The following EPHA6 variants were observed in gnomAD, a reference collection of about 807,000 sequenced individuals.
EPHA6 encodes ephrin type-A receptor 6.
A neutral mutation model predicts 112.0 loss-of-function variants in EPHA6; 50 were observed. The ratio of observed to expected loss-of-function variants is 0.45; its 90% confidence interval spans 0.36 to 0.56. EPHA6 has a LOEUF of 0.56. Among genes scored for constraint, EPHA6 ranks in the 20% least tolerant of loss-of-function variants. EPHA6 has a pLI of 0.00. For missense variants in EPHA6, 1,280 were observed against 1,417.4 expected (o/e 0.90, Z 1.56); for synonymous variants, 529 against 490.7 (o/e 1.08, Z -1.03).
At chr3:97,061,965 G>T (rs574401796) in intron 3 of EPHA6, among the ~76,000 whole-genome samples, 1 of 152,202 alleles carries the variant, frequency 6.6e-6, no homozygotes, top group Non-Finnish European at 1.5e-5. Flanking sequence ...TATAGTATGA[G>T]TGTGAGAAGA....
At chr3:97,321,819 C>A (rs2082135243) in intron 5 of EPHA6, among the ~76,000 whole-genome samples, 1 of 152,070 alleles carries the variant, frequency 6.6e-6, no homozygotes, top group Non-Finnish European at 1.5e-5. Context: ...AAGCAGCCAA[C>A]AGCTGTTAAA....
intron 14 of EPHA6, among the ~76,000 whole-genome samples, chr3:97,714,297 C>T (rs1435262832): frequency 6.6e-6 from 1 of 152,162 alleles, no homozygotes; most frequent in Non-Finnish European, 1.5e-5. Flanking sequence ...TCATTTAATC[C>T]ACTTAACAAA....
chr3:97,157,635 T>C (rs757448058), intron 3 of EPHA6, among the ~76,000 whole-genome samples: 1 of 152,026 alleles, frequency 6.6e-6, no homozygotes, highest in Non-Finnish European at 1.5e-5. Flanking sequence ...CAGGACAGCC[T>C]ATAGTGTAAA....
chr3:97,624,030 T>C (rs1340375084), intron 13 of EPHA6, among the ~76,000 whole-genome samples: 3 of 151,424 alleles, frequency 2.0e-5, no homozygotes, highest in African/African-American at 4.8e-5. Context: ...TCTGTGTTTC[T>C]GCCAAAAAAA....
chr3:97,504,937 T>C (rs972597725), intron 10 of EPHA6, among the ~76,000 whole-genome samples: 3 of 152,084 alleles, frequency 2.0e-5, no homozygotes, highest in Admixed American at 6.6e-5. Context: ...TCAATCCCAA[T>C]TTTTTTATTA....
At chr3:97,626,240 A>G (rs763886076) in intron 13 of EPHA6, among the ~76,000 whole-genome samples, 11 of 151,726 alleles carry the variant, frequency 7.2e-5, no homozygotes, top group Non-Finnish European at 1.5e-4. Context: ...TGGCCCAGTT[A>G]TATGTGCTAG....
intron 2 of EPHA6, among the ~76,000 whole-genome samples, chr3:96,917,127 C>T (rs916954742): frequency 6.6e-6 from 1 of 151,928 alleles, no homozygotes; most frequent in African/African-American, 2.4e-5. Flanking sequence ...CACAAACAAA[C>T]ACACATTTTT....
At chr3:96,816,650 A>G (rs1404736819) in intron 1 of EPHA6, among the ~76,000 whole-genome samples, 1 of 152,092 alleles carries the variant, frequency 6.6e-6, no homozygotes, top group African/African-American at 2.4e-5. Flanking sequence ...TTCCCATGCA[A>G]TAATTTCCCC....
chr3:97,041,284 A>G (rs1307188623), intron 3 of EPHA6, among the ~76,000 whole-genome samples: 1 of 151,976 alleles, frequency 6.6e-6, no homozygotes, highest in Non-Finnish European at 1.5e-5. Flanking sequence ...CCATTTATTT[A>G]TCCCTTGAAA....
chr3:97,735,187 CAT>C (rs2035201613), intron 15 of EPHA6, among the ~76,000 whole-genome samples: 1 of 152,022 alleles, frequency 6.6e-6, no homozygotes. Flanking sequence ...TCACTAACCA[CAT>C]GTGACTGTGT....
chr3:97,537,768 AG>A (rs2092784165), intron 11 of EPHA6, among the ~76,000 whole-genome samples: 1 of 151,966 alleles, frequency 6.6e-6, no homozygotes, highest in Non-Finnish European at 1.5e-5. Context: ...TAGTAGAGAC[AG>A]GGTTTCACCA....
intron 14 of EPHA6, among the ~76,000 whole-genome samples, chr3:97,647,098 C>T (rs2094070715): frequency 6.6e-6 from 1 of 152,170 alleles, no homozygotes; most frequent in African/African-American, 2.4e-5. Context: ...CAGGCAGTTT[C>T]TCCCTATCTG....
intron 14 of EPHA6, among the ~76,000 whole-genome samples, chr3:97,666,616 A>G (rs928170537): frequency 6.6e-6 from 1 of 152,278 alleles, no homozygotes; most frequent in Admixed American, 6.5e-5. Flanking sequence ...CCCATTTCAT[A>G]AGGACACCAG....
intron 5 of EPHA6, among the ~76,000 whole-genome samples, chr3:97,324,843 A>G (rs1211146353): frequency 6.6e-6 from 1 of 152,008 alleles, no homozygotes; most frequent in Non-Finnish European, 1.5e-5. Flanking sequence ...CACAGCCCAG[A>G]TTCTAAGTTT....
rs146977214 is a variant in EPHA6 at position 97,043,562 on chromosome 3, G to C, written c.1114+55569G>C. On this transcript the variant is annotated intron_variant, in intron 3 of 17. Transcript: ENST00000389672. ...ACCAAACTGCAGAAGCAGCAGTGTT[G>C]TGGACCTTTTCAAAGCAGGCTCCAC... is the stretch of plus-strand genomic sequence containing the variant. Among the ~76,000 whole-genome samples the C allele has an allele frequency of 3.0e-3, 456 of 152,234 alleles. 2 individuals are homozygous for C. The highest frequency in any genetic ancestry group is 0.011 in the African/African-American group (440 of 41,544).
rs546576299 is a variant in EPHA6 at position 97,104,977 on chromosome 3, T to C, written c.1114+116984T>C. 2.0e-5 allele frequency among the ~76,000 whole-genome samples: 3 copies of C among 152,160 alleles called. No homozygotes were observed. In the South Asian group the frequency reaches 6.2e-4, roughly 32 times the overall value. On this transcript the variant is annotated intron_variant, in intron 3 of 17. Transcript: ENST00000389672. The stretch of plus-strand genomic sequence containing the variant: ...GATGCTTGCTTGTATTTCTGTGGGG[T>C]CAGTGTTAACATCCCCTTTGCCATT...
intron 5 of EPHA6, among the ~76,000 whole-genome samples, chr3:97,344,004 C>A (rs939638281): frequency 1.3e-5 from 2 of 152,116 alleles, no homozygotes; most frequent in East Asian, 3.9e-4. Flanking sequence ...TATTTTTTCC[C>A]CTTTGTAGTG....
chr3:97,488,950 A>T (rs1052389949), intron 10 of EPHA6, among the ~76,000 whole-genome samples: 3 of 152,346 alleles, frequency 2.0e-5, no homozygotes, highest in East Asian at 1.9e-4. Context: ...CATCTATATT[A>T]TGATATGAAT....
intron 6 of EPHA6, among the ~76,000 whole-genome samples, chr3:97,430,284 A>G (rs2089426580): frequency 6.6e-6 from 1 of 152,144 alleles, no homozygotes; most frequent in Non-Finnish European, 1.5e-5. Context: ...TTTAATGAAT[A>G]TGGCAACTAT....
Sources: gnomAD v4.1 joint callset for allele counts (sites outside exome capture counted in the v4.1 genomes callset) on GRCh38, gnomAD v4.1.1 for gene constraint, MANE v1.5 for transcripts, NCBI Gene and HGNC (gene_info 2026-07-23, HGNC 2026-07-21) for gene names.